DRICH1: variants seen among roughly 807,000 people sequenced by gnomAD.
DRICH1 encodes the protein aspartate-rich protein 1.
In DRICH1, 38 loss-of-function variants were observed where a neutral mutation model predicts 39.5. The ratio of observed to expected loss-of-function variants is 0.96; its 90% CI spans 0.74 to 1.26. The LOEUF is 1.26. Ranked by LOEUF, DRICH1 falls within the 50% of genes most tolerant of loss-of-function variation. DRICH1 has a pLI of 0.00. For synonymous variants in DRICH1, 84 were observed against 99.5 expected, an observed-to-expected ratio of 0.84 and a Z score of 0.93; for missense variants, 279 against 270.4, an observed-to-expected ratio of 1.03 and a Z score of -0.22.
chr22:23,589,429 C>T, the DRICH1 span, among the ~76,000 whole-genome samples: 7 of 150,628 alleles, frequency 4.6e-5, no homozygotes, highest in South Asian at 2.1e-4. Flanking sequence ...CCAGCCTGGG[C>T]GACAGAGCAA....
intron 1 of DRICH1, among the ~76,000 whole-genome samples, chr22:23,629,283 C>A (rs1397930843): frequency 6.6e-6 from 1 of 152,214 alleles, no homozygotes; most frequent in Non-Finnish European, 1.5e-5. Flanking sequence ...AGGCAATCCA[C>A]CCACCTCGGC....
chr22:23,611,769 G>A (rs930078375), intron 11 of DRICH1, among the ~76,000 whole-genome samples: 5 of 152,168 alleles, frequency 3.3e-5, no homozygotes, highest in African/African-American at 7.2e-5. Flanking sequence ...CAGTAAAGTC[G>A]TACCTGTTAG....
intron 1 of DRICH1, among the ~76,000 whole-genome samples, chr22:23,627,855 A>G (rs184720776): frequency 0.011 from 1,705 of 152,174 alleles, 28 homozygotes; most frequent in African/African-American, 0.038. Context: ...TTCCACAACT[A>G]AGCTAGATCC....
At chr22:23,593,980 A>AAAAAAAAAAAAAAAG in the DRICH1 span, among the ~76,000 whole-genome samples, 1 of 137,158 alleles carries the variant, frequency 7.3e-6, no homozygotes, top group Non-Finnish European at 1.5e-5. Context: ...TCTGTCTCAA[A>AAAAAAAAAAAAAAAG]AAAAAAAAAA....
chr22:23,595,957 A>G, the DRICH1 span, among the ~76,000 whole-genome samples: 2 of 152,280 alleles, frequency 1.3e-5, no homozygotes, highest in African/African-American at 4.8e-5. Context: ...AAAACACATC[A>G]TCTTACATCC....
At chr22:23,616,713 T>C in intron 8 of DRICH1, 140 bp downstream of exon 8, 1 of 1,179,778 alleles carries the variant, frequency 8.5e-7, no homozygotes, top group Non-Finnish European at 1.3e-6. Context: ...ACAGCCCCTC[T>C]TCTCATAGCT....
At chr22:23,600,888 G>A in the DRICH1 span, among the ~76,000 whole-genome samples, 1 of 151,942 alleles carries the variant, frequency 6.6e-6, no homozygotes, top group Non-Finnish European at 1.5e-5. Context: ...TAGCCAGGAT[G>A]GTCTTGATCT....
chr22:23,593,481 A>G, the DRICH1 span, among the ~76,000 whole-genome samples: 1 of 152,170 alleles, frequency 6.6e-6, no homozygotes, highest in Non-Finnish European at 1.5e-5. Flanking sequence ...CCTGGCCAAC[A>G]TGGTGAAATC....
At chr22:23,591,777 T>G in the DRICH1 span, among the ~76,000 whole-genome samples, 2 of 152,146 alleles carry the variant, frequency 1.3e-5, no homozygotes, top group Non-Finnish European at 2.9e-5. Flanking sequence ...TAAGGCGACA[T>G]GAAAACATAA....
At chr22:23,622,239 G>T (rs533912028) in intron 3 of DRICH1, 63 bp from the exon 4 acceptor site, 3 of 1,466,456 alleles carry the variant, frequency 2.0e-6, no homozygotes, top group Non-Finnish European at 2.9e-6. Flanking sequence ...CACTCAGGGA[G>T]CTTTGCTGGA....
At chr22:23,605,565 G>A (rs1374785630), downstream of DRICH1, among the ~76,000 whole-genome samples, 1 of 152,010 alleles carries the variant, frequency 6.6e-6, no homozygotes, top group Non-Finnish European at 1.5e-5. Flanking sequence ...GGAGGAGCCT[G>A]GGTGCCCTGT....
At chr22:23,617,452 G>T in intron 7 of DRICH1, 123 bp downstream of exon 7, 1 of 1,131,168 alleles carries the variant, frequency 8.8e-7, no homozygotes, top group Non-Finnish European at 1.3e-6. Context: ...CCCCTCTCCT[G>T]GGAAATCTCA....
chr22:23,607,430 G>A (rs1400677427), downstream of DRICH1, among the ~76,000 whole-genome samples: 1 of 152,166 alleles, frequency 6.6e-6, no homozygotes, highest in African/African-American at 2.4e-5. Context: ...AGAGCTTGCA[G>A]TGGTTGGGGA....
the DRICH1 span, among the ~76,000 whole-genome samples, chr22:23,588,849 T>C: frequency 1.3e-5 from 2 of 152,224 alleles, no homozygotes; most frequent in Admixed American, 1.3e-4. Context: ...AACTTAGTTC[T>C]AGTTTAGCCA....
chr22:23,591,997 T>TC, the DRICH1 span, among the ~76,000 whole-genome samples: 2 of 151,880 alleles, frequency 1.3e-5, no homozygotes, highest in Non-Finnish European at 2.9e-5. Flanking sequence ...GGAATAGGAC[T>TC]CCCCCAAACC....
chr22:23,594,768 C>T, the DRICH1 span, among the ~76,000 whole-genome samples: 1 of 151,894 alleles, frequency 6.6e-6, no homozygotes, highest in Non-Finnish European at 1.5e-5. Flanking sequence ...AAAGCAGAGG[C>T]TTCGTTCATC....
chr22:23,618,195 G>A (rs1439172742), intron 6 of DRICH1, among the ~76,000 whole-genome samples: 1 of 146,292 alleles, frequency 6.8e-6, no homozygotes, highest in South Asian at 2.2e-4. Context: ...CTCACTGCAA[G>A]CTCCACCTCC....
At chr22:23,607,484 C>T (rs1436302167), downstream of DRICH1, among the ~76,000 whole-genome samples, 1 of 151,824 alleles carries the variant, frequency 6.6e-6, no homozygotes, top group Admixed American at 6.6e-5. Flanking sequence ...GGGCCAGTCA[C>T]CGACCCCCAG....
intron 6 of DRICH1, 133 bp downstream of exon 6, chr22:23,619,227 TCTAA>T: frequency 1.8e-6 from 1 of 570,672 alleles, no homozygotes; most frequent in South Asian, 2.0e-5. Flanking sequence ...TCATGTTAAA[TCTAA>T]CTAATCAGCT....
Sources: gnomAD v4.1 joint callset for allele counts (sites outside exome capture counted in the v4.1 genomes callset) on GRCh38, gnomAD v4.1.1 for gene constraint, MANE v1.5 for transcripts, NCBI Gene and HGNC (gene_info 2026-07-23, HGNC 2026-07-21) for gene names.